PJA2: variants seen among roughly 807,000 people sequenced by gnomAD.
The protein encoded by PJA2 is praja ring finger ubiquitin ligase 2.
A neutral mutation model predicts 69.3 loss-of-function variants in PJA2; 25 were observed. That is an observed-to-expected ratio of 0.36 (90% CI 0.26 to 0.50). The LOEUF is 0.50. Ranked by LOEUF, PJA2 falls within the 20% of genes least tolerant of loss-of-function variation. The pLI, the probability that PJA2 is intolerant of heterozygous loss-of-function variation, is 0.96. For missense variants in PJA2, 809 were observed against 830.2 expected, an observed-to-expected ratio of 0.97 and a Z score of 0.31; for synonymous variants, 308 against 277.8, an observed-to-expected ratio of 1.11 and a Z score of -1.08.
chr5:109,380,221 G>C (rs1213190105), intron 3 of PJA2, among the ~76,000 whole-genome samples: 1 of 149,542 alleles, frequency 6.7e-6, no homozygotes, highest in Non-Finnish European at 1.5e-5. Flanking sequence ...AGCCTCCCAA[G>C]TAGCTGGGAA....
At chr5:109,394,345 G>C (rs2127014551) in intron 1 of PJA2, among the ~76,000 whole-genome samples, 1 of 152,212 alleles carries the variant, frequency 6.6e-6, no homozygotes, top group Admixed American at 6.5e-5. Context: ...GCCATGCCCA[G>C]CCACATGCTA....
At chr5:109,400,874 T>C (rs1439067856) in intron 1 of PJA2, among the ~76,000 whole-genome samples, 1 of 151,908 alleles carries the variant, frequency 6.6e-6, no homozygotes, top group Non-Finnish European at 1.5e-5. Flanking sequence ...CCCCAGTTAC[T>C]CAGGAGGCTG....
At chr5:109,358,494 C>G (rs1000978831) in intron 6 of PJA2, among the ~76,000 whole-genome samples, 4 of 152,130 alleles carry the variant, frequency 2.6e-5, no homozygotes, top group African/African-American at 9.7e-5. Flanking sequence ...CTCTATATTT[C>G]TGTGTGTGTG....
At chr5:109,347,510 G>C in intron 7 of PJA2, among the ~76,000 whole-genome samples, 1 of 152,342 alleles carries the variant, frequency 6.6e-6, no homozygotes, top group East Asian at 1.9e-4. Context: ...TACAGGACAA[G>C]GTTGCCAGCA....
chr5:109,354,396 T>C (rs1287573024), intron 7 of PJA2, among the ~76,000 whole-genome samples: 5 of 142,484 alleles, frequency 3.5e-5, no homozygotes. Flanking sequence ...ATCTCTGATA[T>C]CTAGAGATAT....
At chr5:109,339,197 T>C (rs953189121) in intron 9 of PJA2, among the ~76,000 whole-genome samples, 7 of 152,240 alleles carry the variant, frequency 4.6e-5, no homozygotes, top group African/African-American at 1.7e-4. Context: ...GGTCCCTCTC[T>C]TTCTTTTATG....
intron 9 of PJA2, among the ~76,000 whole-genome samples, chr5:109,342,001 G>C (rs1762074046): frequency 1.6e-5 from 2 of 123,492 alleles, no homozygotes; most frequent in African/African-American, 6.1e-5. Flanking sequence ...GGAGGGAGGT[G>C]GGGGGGTCGG....
chr5:109,404,047 G>A (rs1747625169), intron 1 of PJA2, among the ~76,000 whole-genome samples: 1 of 150,950 alleles, frequency 6.6e-6, no homozygotes, highest in South Asian at 2.1e-4. Context: ...CTCCAGCCTG[G>A]GCAACAGAGC....
At chr5:109,388,426 T>TGG (rs1044851077) in intron 1 of PJA2, among the ~76,000 whole-genome samples, 14 of 152,306 alleles carry the variant, frequency 9.2e-5, no homozygotes, top group African/African-American at 3.4e-4. Flanking sequence ...TCGAACCCAC[T>TGG]GGGACTATGT....
At chr5:109,354,262 G>GAGATATCTATAGATTAGATATCTATGATA (rs1762356455) in intron 7 of PJA2, among the ~76,000 whole-genome samples, 1 of 34,520 alleles carries the variant, frequency 2.9e-5, no homozygotes, top group Non-Finnish European at 1.1e-4. Flanking sequence ...TATCTATGAT[G>GAGATATCTATAGATTAGATATCTATGATA]TCTAGAGATA....
intron 1 of PJA2, among the ~76,000 whole-genome samples, chr5:109,401,947 T>C (rs1023461526): frequency 6.6e-6 from 1 of 152,104 alleles, no homozygotes; most frequent in Non-Finnish European, 1.5e-5. Flanking sequence ...AAAACAGTAA[T>C]AGCACAAAAG....
intron 1 of PJA2, among the ~76,000 whole-genome samples, chr5:109,402,607 A>G (rs1320867755): frequency 6.6e-6 from 1 of 152,202 alleles, no homozygotes; most frequent in East Asian, 1.9e-4. Flanking sequence ...CTCAATGATC[A>G]ATGAAACAAA....
At chr5:109,369,111 G>A (rs1762631274) in intron 4 of PJA2, among the ~76,000 whole-genome samples, 1 of 152,148 alleles carries the variant, frequency 6.6e-6, no homozygotes, top group Non-Finnish European at 1.5e-5. Flanking sequence ...GCACCCCCAA[G>A]AAGCAGAAGC....
At chr5:109,400,635 C>A (rs1015439195) in intron 1 of PJA2, among the ~76,000 whole-genome samples, 1 of 152,080 alleles carries the variant, frequency 6.6e-6, no homozygotes, top group Admixed American at 6.5e-5. Context: ...ACAAAACACA[C>A]AAAAATGTAC....
At chr5:109,351,027 C>A (rs547557079) in intron 7 of PJA2, among the ~76,000 whole-genome samples, 2 of 151,586 alleles carry the variant, frequency 1.3e-5, no homozygotes, top group Admixed American at 1.3e-4. Context: ...ACTTCTTACC[C>A]ATTCACAGGG....
chr5:109,337,242 C>A lies in PJA2; in HGVS notation c.2116G>T (p.Glu706Ter). 1 of 1,613,596 alleles carries A rather than the reference C, an allele frequency of 6.2e-7. No individual in the cohort carries two copies. The highest frequency in any genetic ancestry group is 1.7e-5 in the Admixed American group (1 of 59,946). ...DAPPSNDSIAEAP is the reference protein window; with the variant it reads ...DAPPSNDSIA ...TCAACTGTCAAGGTTTAGGGTGCTTCTGCAATACTGTCATTTGAAGGTGGG... is the reference window on the plus strand; with the variant it reads ...TCAACTGTCAAGGTTTAGGGTGCTTATGCAATACTGTCATTTGAAGGTGGG... The change falls in exon 10 of 10, where the codon GAA (glutamate) becomes TAA (stop). Residue 706 changes from glutamate (E) to a stop codon, truncating the protein, a stop_gained. Coordinates refer to ENST00000361189, the MANE Select transcript of PJA2 (RefSeq NM_014819.5). LOFTEE classifies it high-confidence loss of function.
At chr5:109,369,101 G>A (rs1457708832) in intron 4 of PJA2, among the ~76,000 whole-genome samples, 1 of 152,012 alleles carries the variant, frequency 6.6e-6, no homozygotes, top group African/African-American at 2.4e-5. Context: ...GCTTCCTGAG[G>A]CACCCCCAAG....
chr5:109,381,208 T>C (rs1239976728), intron 3 of PJA2, among the ~76,000 whole-genome samples: 1 of 152,104 alleles, frequency 6.6e-6, no homozygotes, highest in Non-Finnish European at 1.5e-5. Flanking sequence ...AATTTCAAAA[T>C]ATATCTTTTT....
chr5:109,389,186 T>A (rs1410889762), intron 1 of PJA2, among the ~76,000 whole-genome samples: 1 of 152,156 alleles, frequency 6.6e-6, no homozygotes, highest in Non-Finnish European at 1.5e-5. Context: ...AATCTTTCTA[T>A]CTTCTTCTTG....
Sources: allele counts gnomAD v4.1 joint callset (sites outside exome capture counted in the v4.1 genomes callset), GRCh38; gene constraint gnomAD v4.1.1; transcripts MANE v1.5; gene names NCBI Gene and HGNC (gene_info 2026-07-23, HGNC 2026-07-21).